Variants in RABGAP1L observed in about 807,000 individuals in gnomAD.
RABGAP1L encodes RAB GTPase activating protein 1 like, also known as rab GTPase-activating protein 1-like.
A neutral mutation model predicts 137.7 loss-of-function variants in RABGAP1L; 63 were observed. That is an observed-to-expected ratio of 0.46 (90% CI 0.37 to 0.56). The LOEUF (loss-of-function observed/expected upper bound fraction) is 0.56, where lower values mean the gene tolerates loss of function less well. RABGAP1L is among the 20% of genes least tolerant of loss of function. RABGAP1L has a pLI of 0.00. For missense variants in RABGAP1L, 1,095 were observed against 1,244.0 expected (o/e 0.88, Z 1.80); for synonymous variants, 431 against 433.7 (o/e 0.99, Z 0.08).
intron 18 of RABGAP1L, among the ~76,000 whole-genome samples, chr1:174,786,317 T>C (rs1351838612): frequency 6.6e-6 from 1 of 152,244 alleles, no homozygotes; most frequent in African/African-American, 2.4e-5. Flanking sequence ...CTTTAATGAT[T>C]GGATTTTATA....
Position 174,391,535 on chromosome 1 carries a change from A to AGTCTGGAACTG in RABGAP1L, c.1560-2443_1560-2433dup, listed in dbSNP as rs202129052. On this transcript the variant is annotated intron_variant, in intron 12 of 25. Transcript: ENST00000681986. ...GAGATGAGGTTTTGCCATGTTGCCC[A>AGTCTGGAACTG]GTCTGGAACTGGTCTGGAACTGGTC... Among the ~76,000 whole-genome samples, 267 of 152,142 alleles carry AGTCTGGAACTG rather than the reference A, an allele frequency of 1.8e-3. 2 individuals are homozygous for AGTCTGGAACTG. In the East Asian group the frequency reaches 0.04, roughly 23 times the overall value.
At chr1:174,914,509 T>C (rs918716437) in intron 19 of RABGAP1L, among the ~76,000 whole-genome samples, 2 of 152,184 alleles carry the variant, frequency 1.3e-5, no homozygotes, top group Non-Finnish European at 2.9e-5. Context: ...AGTACAACTT[T>C]AGTAGTCTCT....
chr1:174,782,495 A>T (rs898009041), intron 18 of RABGAP1L, among the ~76,000 whole-genome samples: 6 of 152,310 alleles, frequency 3.9e-5, no homozygotes, highest in African/African-American at 1.4e-4. Context: ...CTAGATATAC[A>T]GTCATGTCAT....
At chr1:174,909,889 C>T (rs377333796) in intron 19 of RABGAP1L, among the ~76,000 whole-genome samples, 78 of 152,276 alleles carry the variant, frequency 5.1e-4, no homozygotes, top group African/African-American at 1.7e-3. Context: ...CCTGTAATCC[C>T]AGCACTTTGG....
At chr1:174,602,519 A>T (rs1036509579) in intron 13 of RABGAP1L, among the ~76,000 whole-genome samples, 3 of 152,190 alleles carry the variant, frequency 2.0e-5, no homozygotes, top group African/African-American at 7.2e-5. Context: ...GGGAGATGCA[A>T]TTCAAGTTGA....
At chr1:174,959,753 C>T (rs1366722862) in intron 20 of RABGAP1L, among the ~76,000 whole-genome samples, 1 of 152,090 alleles carries the variant, frequency 6.6e-6, no homozygotes, top group Non-Finnish European at 1.5e-5. Context: ...TGGTAATACA[C>T]TTGGTGAATT....
rs554869731 is a variant in RABGAP1L, at chr1:174,639,050, A to G, written c.1824+1562A>G. 2.0e-5 allele frequency among the ~76,000 whole-genome samples: 3 copies of G among 151,588 alleles called. No individual in the cohort carries two copies. The South Asian group carries it at 6.3e-4, about 32-fold the overall frequency. On this transcript the variant is annotated intron_variant, in intron 14 of 25. Coordinates refer to ENST00000681986, the MANE Select transcript of RABGAP1L (RefSeq NM_001366446.1). ...TTAAAGTGTAATAAAAAAAAAAAAA[A>G]GCACTCACCTACATATTCTAACCAA...
intron 17 of RABGAP1L, among the ~76,000 whole-genome samples, chr1:174,738,738 T>C (rs568436366): frequency 1.3e-5 from 2 of 152,346 alleles, no homozygotes; most frequent in Admixed American, 1.3e-4. Flanking sequence ...TTTTGATTTA[T>C]AGTATAGTAT....
At chr1:174,433,682 G>A (rs972107296) in intron 13 of RABGAP1L, among the ~76,000 whole-genome samples, 29 of 152,292 alleles carry the variant, frequency 1.9e-4, no homozygotes, top group Middle Eastern at 3.4e-3. Flanking sequence ...GTGAAAGTAT[G>A]TGCAGGCTGG....
chr1:174,548,124 A>G, intron 13 of RABGAP1L: 1 of 1,518,840 alleles, frequency 6.6e-7, no homozygotes, highest in African/African-American at 1.4e-5. Context: ...TTTAGAAGCA[A>G]CTTTATGGAT....
At chr1:174,661,868 G>A (rs1180482510) in intron 14 of RABGAP1L, among the ~76,000 whole-genome samples, 1 of 152,106 alleles carries the variant, frequency 6.6e-6, no homozygotes, top group Non-Finnish European at 1.5e-5. Context: ...TTGTGTTGAT[G>A]CTGGTATAAA....
At chr1:174,372,516 C>G (rs115300631) in intron 12 of RABGAP1L, among the ~76,000 whole-genome samples, 3 of 152,128 alleles carry the variant, frequency 2.0e-5, no homozygotes, top group Non-Finnish European at 4.4e-5. Context: ...GGGATGTTAA[C>G]CTATAACAAG....
At chr1:174,956,266 A>G (rs997633594) in intron 19 of RABGAP1L, among the ~76,000 whole-genome samples, 1 of 152,124 alleles carries the variant, frequency 6.6e-6, no homozygotes, top group Non-Finnish European at 1.5e-5. Flanking sequence ...AGTGGCCGTC[A>G]TAGTGCACTG....
At chr1:174,382,989 T>C (rs1199780323) in intron 12 of RABGAP1L, among the ~76,000 whole-genome samples, 1 of 151,176 alleles carries the variant, frequency 6.6e-6, no homozygotes, top group African/African-American at 2.4e-5. Flanking sequence ...CCTTTCTGTT[T>C]GTTAGTTTTC....
In RABGAP1L at chr1:174,467,779, A is replaced by G. The variant is rs114210071; in HGVS notation, c.1710+73634A>G. Among the ~76,000 whole-genome samples the G allele has an allele frequency of 3.8e-3, 582 of 152,190 alleles. 4 individuals carry two copies. Among genetic ancestry groups the G allele is most frequent in the African/African-American group, 0.012 (502 of 41,552 alleles). Reference sequence around the variant, plus strand: ...CTGACACCAAAACCATATCCTTTCTACCTAATATATGCTACCTCCCCTACT... The same window carrying G: ...CTGACACCAAAACCATATCCTTTCTGCCTAATATATGCTACCTCCCCTACT... On this transcript the variant is annotated intron_variant, in intron 13 of 25. Transcript: ENST00000681986.
chr1:174,310,412 G>A (rs893137087), intron 11 of RABGAP1L, among the ~76,000 whole-genome samples: 2 of 152,126 alleles, frequency 1.3e-5, no homozygotes, highest in African/African-American at 4.8e-5. Context: ...CAGTTGAGGA[G>A]AATGTATATT....
At chr1:174,391,437 C>T (rs1223717355) in intron 12 of RABGAP1L, among the ~76,000 whole-genome samples, 1 of 152,186 alleles carries the variant, frequency 6.6e-6, no homozygotes, top group Non-Finnish European at 1.5e-5. Context: ...CCACCTCAGC[C>T]TCCCAAGTAG....
chr1:174,946,928 A>G (rs1253620267), intron 19 of RABGAP1L, among the ~76,000 whole-genome samples: 1 of 73,472 alleles, frequency 1.4e-5, no homozygotes, highest in African/African-American at 5.6e-5. Flanking sequence ...ATATATATAT[A>G]TATATATATA....
chr1:174,482,474 A>G (rs533802123), intron 13 of RABGAP1L, among the ~76,000 whole-genome samples: 1 of 152,242 alleles, frequency 6.6e-6, no homozygotes, highest in African/African-American at 2.4e-5. Context: ...CAGATAAGAT[A>G]TATTGATTTA....
Sources: gnomAD v4.1 joint callset for allele counts (sites outside exome capture counted in the v4.1 genomes callset) on GRCh38, gnomAD v4.1.1 for gene constraint, MANE v1.5 for transcripts, NCBI Gene and HGNC (gene_info 2026-07-23, HGNC 2026-07-21) for gene names.